Variants in COP1 observed in about 807,000 individuals in gnomAD.
COP1 encodes COP1 E3 ubiquitin ligase, also known as E3 ubiquitin-protein ligase COP1.
COP1 carries 24 observed loss-of-function variants against 101.3 expected under a neutral mutation model. The ratio of observed to expected loss-of-function variants is 0.24; its 90% CI spans 0.17 to 0.33. The LOEUF is 0.33. Ranked by LOEUF, COP1 falls within the 10% of genes least tolerant of loss-of-function variation. The probability of loss-of-function intolerance (pLI) is 1.00; values close to 1 mark genes in which losing one functional copy is unlikely to be tolerated. For missense variants in COP1, 663 were observed against 906.2 expected (o/e 0.73, Z 3.45); for synonymous variants, 347 against 341.9 (o/e 1.01, Z -0.17).
intron 9 of COP1, among the ~76,000 whole-genome samples, chr1:176,115,017 A>C (rs1329280181): frequency 6.6e-6 from 1 of 152,238 alleles, no homozygotes; most frequent in East Asian, 1.9e-4. Context: ...TATAGGTAAA[A>C]GAAAGGCTGA....
intron 15 of COP1, 24 bp downstream of exon 15, chr1:176,027,548 G>A (rs376201919): frequency 1.5e-6 from 2 of 1,357,586 alleles, no homozygotes; most frequent in South Asian, 2.3e-5. Context: ...ATCAAAGGAA[G>A]ACAAATCTGC....
intron 1 of COP1, among the ~76,000 whole-genome samples, chr1:176,200,106 T>C (rs763366630): frequency 2.0e-5 from 3 of 152,198 alleles, no homozygotes; most frequent in Non-Finnish European, 2.9e-5. Flanking sequence ...ATAACCTCTA[T>C]GGGCCACATT....
intron 9 of COP1, among the ~76,000 whole-genome samples, chr1:176,109,563 C>T (rs1227801147): frequency 1.3e-5 from 2 of 151,998 alleles, no homozygotes; most frequent in African/African-American, 4.8e-5. Flanking sequence ...ATGAACTTTA[C>T]AATGTTAATT....
chr1:176,155,779 A>G (rs1195754161), intron 5 of COP1, among the ~76,000 whole-genome samples: 1 of 152,092 alleles, frequency 6.6e-6, no homozygotes, highest in Non-Finnish European at 1.5e-5. Context: ...GAAAAACGAT[A>G]TACTAGCTTT....
chr1:176,126,260 G>A (rs1280408856), intron 8 of COP1, among the ~76,000 whole-genome samples: 1 of 152,134 alleles, frequency 6.6e-6, no homozygotes, highest in Admixed American at 6.6e-5. Context: ...ACTACGTTGA[G>A]TAACATTGGT....
At chr1:175,985,862 G>C (rs983764800) in intron 18 of COP1, among the ~76,000 whole-genome samples, 13 of 151,990 alleles carry the variant, frequency 8.6e-5, no homozygotes, top group African/African-American at 3.1e-4. Flanking sequence ...GACAGCAATA[G>C]AATATATCAA....
chr1:176,105,319 T>C (rs1684122910), intron 9 of COP1, among the ~76,000 whole-genome samples: 1 of 152,086 alleles, frequency 6.6e-6, no homozygotes, highest in Non-Finnish European at 1.5e-5. Flanking sequence ...TAGAAGTAAA[T>C]GAACCTAACT....
At chr1:176,007,704 C>G (rs1483073673) in intron 15 of COP1, among the ~76,000 whole-genome samples, 1 of 152,126 alleles carries the variant, frequency 6.6e-6, no homozygotes, top group Non-Finnish European at 1.5e-5. Flanking sequence ...TGCCTGTTCT[C>G]AGATCTCCAG....
In COP1 at chr1:176,152,112, G is replaced by A. The variant is rs146153739; in HGVS notation, c.763-3038C>T. On this transcript the variant is annotated intron_variant, in intron 5 of 19. Coordinates refer to ENST00000367669, the MANE Select transcript of COP1 (RefSeq NM_022457.7). ...TCAAGACCAGCCTGGGCAACATGGC[G>A]ACACCCCATCTCTACAAAAAATTCA... Among the ~76,000 whole-genome samples, 894 of 152,110 alleles carry A rather than the reference G, an allele frequency of 5.9e-3. 12 individuals are homozygous for A. Among genetic ancestry groups the A allele is most frequent in the African/African-American group, 0.021 (857 of 41,500 alleles).
At chr1:176,202,074 CT>C (rs1158819416) in intron 1 of COP1, among the ~76,000 whole-genome samples, 1 of 151,680 alleles carries the variant, frequency 6.6e-6, no homozygotes, top group Non-Finnish European at 1.5e-5. Context: ...AATTCAGTGA[CT>C]TTAAAAAAAA....
intron 13 of COP1, 68 bp from the exon 14 acceptor site, chr1:176,043,335 A>G: frequency 1.1e-6 from 1 of 934,376 alleles, no homozygotes; most frequent in Admixed American, 2.3e-5. Context: ...AGCAAGAAAA[A>G]AAAAAACCTG....
chr1:176,070,880 T>C (rs1023225851), intron 11 of COP1, among the ~76,000 whole-genome samples: 3 of 152,130 alleles, frequency 2.0e-5, no homozygotes, highest in Non-Finnish European at 2.9e-5. Context: ...TTTGAACTCT[T>C]GGCCTCAAGC....
intron 10 of COP1, among the ~76,000 whole-genome samples, chr1:176,082,881 C>T (rs1200923656): frequency 6.6e-6 from 1 of 151,774 alleles, no homozygotes; most frequent in African/African-American, 2.4e-5. Context: ...GAGCTTTTGT[C>T]CCTGATATTT....
At chr1:176,112,736 C>T (rs1685512478) in intron 9 of COP1, among the ~76,000 whole-genome samples, 1 of 152,140 alleles carries the variant, frequency 6.6e-6, no homozygotes, top group African/African-American at 2.4e-5. Flanking sequence ...TCTCTGCCTA[C>T]TACCTCCATT....
chr1:176,056,802 G>A (rs1485545838), intron 11 of COP1, among the ~76,000 whole-genome samples: 2 of 150,734 alleles, frequency 1.3e-5, no homozygotes, highest in Non-Finnish European at 2.9e-5. Flanking sequence ...TCTTTCTTTT[G>A]TTTTCTGTGT....
At chr1:176,053,795 A>G (rs1448669738) in intron 11 of COP1, among the ~76,000 whole-genome samples, 3 of 152,130 alleles carry the variant, frequency 2.0e-5, no homozygotes. Context: ...TTCTTTCCCA[A>G]CATAAATTAC....
At chr1:175,980,239 T>A (rs1279620719) in intron 18 of COP1, among the ~76,000 whole-genome samples, 2 of 151,808 alleles carry the variant, frequency 1.3e-5, no homozygotes, top group African/African-American at 4.8e-5. Context: ...AATACTATGA[T>A]GTCTTTTTTT....
intron 1 of COP1, among the ~76,000 whole-genome samples, chr1:176,199,881 A>C (rs866467583): frequency 8.5e-5 from 13 of 152,196 alleles, no homozygotes; most frequent in Non-Finnish European, 1.5e-4. Flanking sequence ...AAACTCATTC[A>C]ACTACACACT....
chr1:176,091,300 T>G (rs191413708), intron 9 of COP1, among the ~76,000 whole-genome samples: 1 of 150,884 alleles, frequency 6.6e-6, no homozygotes, highest in Admixed American at 6.6e-5. Flanking sequence ...ATCGTGCCAC[T>G]GTGCCACTGT....
Sources: allele counts gnomAD v4.1 joint callset (sites outside exome capture counted in the v4.1 genomes callset), GRCh38; gene constraint gnomAD v4.1.1; transcripts MANE v1.5; gene names NCBI Gene and HGNC (gene_info 2026-07-23, HGNC 2026-07-21).